The following RELN variants were observed in gnomAD, a reference collection of about 807,000 sequenced individuals.
The protein encoded by RELN is reelin.
RELN carries 108 observed loss-of-function variants against 427.6 expected under a neutral mutation model. The ratio of observed to expected loss-of-function variants is 0.25; its 90% confidence interval spans 0.22 to 0.30. The LOEUF (loss-of-function observed/expected upper bound fraction) is 0.30, where lower values mean the gene tolerates loss of function less well. Ranked by LOEUF, RELN falls within the 10% of genes least tolerant of loss-of-function variation. The pLI, the probability that RELN is intolerant of heterozygous loss-of-function variation, is 1.00. For synonymous variants in RELN, 1,524 were observed against 1,513.4 expected (o/e 1.01, Z -0.16); for missense variants, 3,715 against 4,302.8 (o/e 0.86, Z 3.82).
At chr7:103,897,352 A>G (rs1356576239) in intron 2 of RELN, among the ~76,000 whole-genome samples, 3 of 152,112 alleles carry the variant, frequency 2.0e-5, no homozygotes, top group African/African-American at 4.8e-5. Context: ...TCACTTGGTG[A>G]CATCAGCTTT....
rs182016948 is a variant in RELN, at chr7:103,636,892, T to C, written c.2070-424A>G. 1.5e-3 allele frequency among the ~76,000 whole-genome samples: 224 copies of C among 152,350 alleles called. 2 individuals carry two copies. Among genetic ancestry groups the C allele is most frequent in the Middle Eastern group, 3.4e-3 (1 of 294 alleles). On this transcript the variant is annotated intron_variant, in intron 17 of 64. Transcript: ENST00000428762. Reference sequence around the variant, plus strand: ...AGAACAAATGTTAAAATACATGTTATGTTCGTGATAGGAATTAATTTAAAT... The same window carrying C: ...AGAACAAATGTTAAAATACATGTTACGTTCGTGATAGGAATTAATTTAAAT...
chr7:103,932,219 A>G (rs1401445864), intron 1 of RELN, among the ~76,000 whole-genome samples: 1 of 152,260 alleles, frequency 6.6e-6, no homozygotes, highest in East Asian at 1.9e-4. Context: ...GAAAAGAACA[A>G]GATCAGGTCC....
At chr7:103,472,997 C>A in intron 64 of RELN, 89 bp from the exon 65 acceptor site, 1 of 1,046,716 alleles carries the variant, frequency 9.6e-7, no homozygotes, top group Non-Finnish European at 1.5e-6. Flanking sequence ...ATTCTAGGTC[C>A]TAAGTTACTC....
chr7:103,642,651 G>A (rs971528903), intron 16 of RELN, among the ~76,000 whole-genome samples: 14 of 152,046 alleles, frequency 9.2e-5, no homozygotes, highest in Non-Finnish European at 1.5e-4. Flanking sequence ...TGTTGTAACA[G>A]CCTTCTTTAG....
intron 3 of RELN, among the ~76,000 whole-genome samples, chr7:103,831,243 T>C (rs1173546213): frequency 6.6e-6 from 1 of 152,140 alleles, no homozygotes; most frequent in Non-Finnish European, 1.5e-5. Flanking sequence ...ATTCGATTCA[T>C]CCTTGCAAGT....
chr7:103,480,789 G>C (rs574213638), intron 63 of RELN, among the ~76,000 whole-genome samples: 2 of 152,148 alleles, frequency 1.3e-5, no homozygotes, highest in Non-Finnish European at 2.9e-5. Context: ...AAGACTTGGA[G>C]TAAAATTCAA....
At chr7:103,492,833 TGA>T (rs1276693071) in intron 57 of RELN, among the ~76,000 whole-genome samples, 1 of 151,914 alleles carries the variant, frequency 6.6e-6, no homozygotes, top group Admixed American at 6.6e-5. Context: ...GGGAAGAGTG[TGA>T]GAGGTAGAGA....
At chr7:103,919,751 G>A (rs180736502) in intron 1 of RELN, among the ~76,000 whole-genome samples, 3 of 152,136 alleles carry the variant, frequency 2.0e-5, no homozygotes, top group East Asian at 3.9e-4. Context: ...TTAACTCATC[G>A]CTTACATCCA....
At chr7:103,892,152 C>G (rs915842842) in intron 2 of RELN, among the ~76,000 whole-genome samples, 1 of 152,196 alleles carries the variant, frequency 6.6e-6, no homozygotes, top group Non-Finnish European at 1.5e-5. Context: ...AGAAGTCACA[C>G]CTTCTTTTCT....
intron 10 of RELN, among the ~76,000 whole-genome samples, chr7:103,697,503 G>A (rs1181117858): frequency 6.6e-6 from 1 of 151,994 alleles, no homozygotes; most frequent in Non-Finnish European, 1.5e-5. Context: ...ATAACCATCA[G>A]GCTGTTTCGT....
At chr7:103,867,084 T>C (rs1474860444) in intron 2 of RELN, among the ~76,000 whole-genome samples, 1 of 152,254 alleles carries the variant, frequency 6.6e-6, no homozygotes, top group Non-Finnish European at 1.5e-5. Context: ...ATTACTTCTA[T>C]CTCACAATCA....
chr7:103,742,600 C>T (rs1006826294), intron 6 of RELN, among the ~76,000 whole-genome samples: 25 of 152,064 alleles, frequency 1.6e-4, no homozygotes, highest in African/African-American at 4.3e-4. Context: ...AACCAAGGCA[C>T]GAGAGCTACA....
intron 14 of RELN, 105 bp from the exon 15 acceptor site, chr7:103,651,894 A>T: frequency 8.1e-7 from 1 of 1,239,632 alleles, no homozygotes; most frequent in East Asian, 2.5e-5. Flanking sequence ...CTGTAAAAAC[A>T]GTGTAAAATT....
At chr7:103,728,848 T>G (rs1468336557) in intron 6 of RELN, among the ~76,000 whole-genome samples, 2 of 152,204 alleles carry the variant, frequency 1.3e-5, no homozygotes, top group Non-Finnish European at 2.9e-5. Context: ...TGTATTAGTA[T>G]GATATACACA....
intron 47 of RELN, 146 bp from the exon 48 acceptor site, chr7:103,522,345 T>C (rs749375529): frequency 1.3e-6 from 1 of 741,978 alleles, no homozygotes; most frequent in Non-Finnish European, 2.3e-6. Context: ...ATACACCTGC[T>C]CTCCTTAACT....
chr7:103,958,778 G>GA (rs148554894), intron 1 of RELN, among the ~76,000 whole-genome samples: 11,992 of 149,614 alleles, frequency 0.08, 516 homozygotes, highest in Middle Eastern at 0.13. Flanking sequence ...AAATCTGCAA[G>GA]AAAAAAAAAA....
chr7:103,803,366 T>C (rs999876645), intron 3 of RELN, among the ~76,000 whole-genome samples: 1 of 152,140 alleles, frequency 6.6e-6, no homozygotes, highest in African/African-American at 2.4e-5. Flanking sequence ...CTTTGCTTAA[T>C]GCTTCTTTAT....
rs181684558 is a variant in RELN at position 103,826,090 on chromosome 7, G to A, written c.473+7447C>T. On this transcript the variant is annotated intron_variant, in intron 3 of 64. Transcript: ENST00000428762. ...GGGTTCCTGATAAAAGGATGAGATG[G>A]GTTCCTGATAAAAGGATGAGATGGG... Among the ~76,000 whole-genome samples, 438 of 152,072 alleles carry A rather than the reference G, an allele frequency of 2.9e-3. 2 individuals carry two copies. The highest frequency in any genetic ancestry group is 0.01 in the Middle Eastern group (3 of 294).
Position 103,755,815 on chromosome 7 carries a change from G to GAA in RELN, c.545-2603_545-2602dup, listed in dbSNP as rs4006762. Among the ~76,000 whole-genome samples, 7 of 103,634 alleles carry GAA rather than the reference G, an allele frequency of 6.8e-5. No individual in the cohort carries two copies. In the East Asian group the frequency reaches 1.6e-3, roughly 23 times the overall value. The allele number at this position is 103,634 out of a possible 152,430, so 68.0% of individuals were successfully genotyped here. On this transcript the variant is annotated intron_variant, in intron 4 of 64. Coordinates refer to ENST00000428762, the MANE Select transcript of RELN (RefSeq NM_005045.4). ...GGGACAGAGTGAGACTCCACCTCAA[G>GAA]AAAAAAAAAAAAAAAAGATATCATG...
Sources: allele counts gnomAD v4.1 joint callset (sites outside exome capture counted in the v4.1 genomes callset), GRCh38; gene constraint gnomAD v4.1.1; transcripts MANE v1.5; gene names NCBI Gene and HGNC (gene_info 2026-07-23, HGNC 2026-07-21).